The following RAI1 variants were observed in gnomAD, a reference collection of about 807,000 sequenced individuals.
The protein encoded by RAI1 is retinoic acid induced 1, also known as retinoic acid-induced protein 1.
Under a neutral mutation model 123.8 loss-of-function variants are expected in RAI1, and 9 were observed. That is an observed-to-expected ratio of 0.07 (90% CI 0.04 to 0.13). The LOEUF (loss-of-function observed/expected upper bound fraction) is 0.13. Among genes scored for constraint, RAI1 ranks in the 10% least tolerant of loss-of-function variants. The pLI is 1.00. For missense variants in RAI1, 2,256 were observed against 2,545.8 expected, an observed-to-expected ratio of 0.89 and a Z score of 2.45; for synonymous variants, 1,231 against 1,127.3, an observed-to-expected ratio of 1.09 and a Z score of -1.84.
chr17:17,699,629 CG>C (rs372576220), intron 1 of RAI1, among the ~76,000 whole-genome samples: 7,319 of 50,154 alleles, frequency 0.15, 236 homozygotes, highest in African/African-American at 0.25. Flanking sequence ...GTCGGGGGGC[CG>C]GGGGGGGGGG....
At chr17:17,731,217 G>A (rs1344680622) in intron 2 of RAI1, among the ~76,000 whole-genome samples, 2 of 152,228 alleles carry the variant, frequency 1.3e-5, no homozygotes, top group Admixed American at 1.3e-4. Flanking sequence ...GGCCTGTCCT[G>A]CACATCTGAT....
chr17:17,764,632 C>T (rs1379363190), intron 2 of RAI1, among the ~76,000 whole-genome samples: 2 of 152,140 alleles, frequency 1.3e-5, no homozygotes, highest in Non-Finnish European at 2.9e-5. Flanking sequence ...GCCACCACGC[C>T]TAACTAATTT....
intron 2 of RAI1, among the ~76,000 whole-genome samples, chr17:17,727,943 C>T (rs1916146525): frequency 6.6e-6 from 1 of 152,048 alleles, no homozygotes. Flanking sequence ...TGCCCCCTCC[C>T]CTGCAGCACA....
At chr17:17,742,613 C>T (rs141537858) in intron 2 of RAI1, among the ~76,000 whole-genome samples, 8 of 152,300 alleles carry the variant, frequency 5.3e-5, no homozygotes, top group African/African-American at 1.9e-4. Context: ...ATAATATGCA[C>T]TCGTTTTAAA....
At chr17:17,741,289 G>A (rs1214632520) in intron 2 of RAI1, among the ~76,000 whole-genome samples, 1 of 152,136 alleles carries the variant, frequency 6.6e-6, no homozygotes, top group Non-Finnish European at 1.5e-5. Context: ...GAGATTAGTG[G>A]GAAGAAAATC....
intron 2 of RAI1, among the ~76,000 whole-genome samples, chr17:17,766,944 G>C (rs1438303496): frequency 6.6e-6 from 1 of 152,054 alleles, no homozygotes; most frequent in Admixed American, 6.6e-5. Flanking sequence ...GGAGAGGGTG[G>C]GGTGGTGTGA....
At chr17:17,807,855 G>A (rs182224998) in intron 4 of RAI1, among the ~76,000 whole-genome samples, 4 of 152,346 alleles carry the variant, frequency 2.6e-5, no homozygotes, top group East Asian at 3.9e-4. Flanking sequence ...GGGAACAGCC[G>A]TGGCACATCT....
chr17:17,799,180 A>G lies in RAI1; in HGVS notation c.5565+667A>G. On this transcript the variant is annotated intron_variant, in intron 3 of 5. Transcript: ENST00000353383. This position sits in a 1 kb window ranked among gnomAD's most constrained non-coding sequence, Gnocchi z 4.5. ...GAGGGAACTCTGGGGCTGTGCCGCC[A>G]TGCACCTTTGGGGCTGTGACCTGCC... Among the ~76,000 whole-genome samples, 1 of 152,178 alleles carries G rather than the reference A, an allele frequency of 6.6e-6. No individual in the cohort carries two copies. The highest frequency in any genetic ancestry group is 1.9e-4 in the East Asian group (1 of 5,194).
rs771397178 is a variant in RAI1 at position 17,809,162 on chromosome 17, C to T, written c.5660-228C>T. On this transcript the variant is annotated intron_variant, in intron 4 of 5. Coordinates refer to ENST00000353383, the MANE Select transcript of RAI1 (RefSeq NM_030665.4). The surrounding 1 kb of genome is among the most constrained non-coding windows in gnomAD (Gnocchi z 4.9). ...GGAACTCAGGGGGAAAAGCTCTCCG[C>T]GGAGGAGGTGAGGTGAGTCAAGACT... 7 of 623,676 alleles carry T rather than the reference C, an allele frequency of 1.1e-5. No homozygotes were observed. Among genetic ancestry groups the T allele is most frequent in the South Asian group, 5.3e-5 (3 of 56,510 alleles). 38.6% of individuals were successfully genotyped at this position (623,676 alleles called of 1,614,324 possible).
rs772117890 is a variant in RAI1, at chr17:17,797,927, C to T, written c.4979C>T (p.Pro1660Leu). 23 of 1,613,856 alleles carry T rather than the reference C, an allele frequency of 1.4e-5. No individual in the cohort carries two copies. The highest frequency in any genetic ancestry group is 2.2e-5 in the South Asian group (2 of 91,092). The change falls in exon 3 of 6, where the codon CCG becomes CTG. Residue 1660 changes from proline (P) to leucine (L), a missense_variant. Physicochemically the swap from Pro to Leu is moderately conservative, Grantham distance 98. Coordinates refer to ENST00000353383, the MANE Select transcript of RAI1 (RefSeq NM_030665.4). Reference protein sequence around the residue: ...ATLPGGSILQPRPSLPLSSTM... With the variant: ...ATLPGGSILQLRPSLPLSSTM... ...CTCCCTGGAGGCTCCATCCTGCAGC[C>T]GCGGCCCTCCTTGCCCCTCTCCTCC...
rs1454425051 is a variant in RAI1, at chr17:17,755,068, CT to C, written c.-17+30910del. ...CACAACATTCACACCATGCCTCCCCCTGAAGGCTTTGCCTGACGTTTGGACT... is the reference window on the plus strand; with the variant it reads ...CACAACATTCACACCATGCCTCCCCCGAAGGCTTTGCCTGACGTTTGGACT... On this transcript the variant is annotated intron_variant, in intron 2 of 5. Transcript: ENST00000353383. Among the ~76,000 whole-genome samples, 8 of 152,346 alleles carry C rather than the reference CT, an allele frequency of 5.3e-5. No individual in the cohort carries two copies. In the South Asian group the frequency reaches 6.2e-4, roughly 12 times the overall value.
At chr17:17,711,440 C>T (rs531940415) in intron 1 of RAI1, among the ~76,000 whole-genome samples, 68 of 152,282 alleles carry the variant, frequency 4.5e-4, no homozygotes, top group African/African-American at 1.6e-3. Flanking sequence ...AGTTGGGGGG[C>T]GGGTGCTTGC....
chr17:17,704,441 T>A (rs1395777540), intron 1 of RAI1, among the ~76,000 whole-genome samples: 1 of 151,996 alleles, frequency 6.6e-6, no homozygotes. Flanking sequence ...GCCCTCCATG[T>A]GGGGGGCTCT....
chr17:17,800,186 C>CTCTGTCTCTCTG lies in RAI1; in HGVS notation c.5565+1676_5565+1677insGTCTCTCTGTCT, dbSNP rs59561809. ...CTGCTTTCTGTCTCTCTCTGTCTCT[C>CTCTGTCTCTCTG]TCTCTCTCTCTCTCTCTCTCTCTCT... On this transcript the variant is annotated intron_variant, in intron 3 of 5. Coordinates refer to ENST00000353383, the MANE Select transcript of RAI1 (RefSeq NM_030665.4). The surrounding 1 kb of genome is among the most constrained non-coding windows in gnomAD (Gnocchi z 4.7). 4.9e-4 allele frequency among the ~76,000 whole-genome samples: 27 copies of CTCTGTCTCTCTG among 55,576 alleles called. No homozygotes were observed. The highest frequency in any genetic ancestry group is 6.7e-4 in the Non-Finnish European group (20 of 29,644). The allele number at this position is 55,576 out of a possible 152,430, so 36.5% of individuals were successfully genotyped here.
intron 1 of RAI1, 110 bp downstream of exon 1, chr17:17,681,903 A>C (rs1914430978): frequency 9.1e-6 from 2 of 220,000 alleles, no homozygotes; most frequent in African/African-American, 2.4e-5. Context: ...GCGGGTTCGG[A>C]CGCCGAGCGC....
rs528381572 is a variant in RAI1 at position 17,681,923 on chromosome 17, G to A, written c.-149+130G>A. 5.4e-4 allele frequency: 123 copies of A among 227,888 alleles called. 1 individual carries two copies. Among genetic ancestry groups the A allele is most frequent in the African/African-American group, 2.6e-3 (108 of 42,154 alleles). The allele number at this position is 227,888 out of a possible 1,614,324, so 14.1% of individuals were successfully genotyped here. ...TTCGGACGCCGAGCGCGCGCGCTGG[G>A]TGGAGATGTGGGGTCCGCGGGGTCC... On this transcript the variant is annotated intron_variant, in intron 1 of 5. Coordinates refer to ENST00000353383, the MANE Select transcript of RAI1 (RefSeq NM_030665.4).
chr17:17,805,353 C>T (rs370239757), intron 4 of RAI1, among the ~76,000 whole-genome samples: 22 of 152,274 alleles, frequency 1.4e-4, no homozygotes, highest in Middle Eastern at 3.4e-3. Context: ...GACCTCTCCC[C>T]ACACGGTGCT....
chr17:17,778,971 G>T (rs1386531417), intron 2 of RAI1: 2 of 450,350 alleles, frequency 4.4e-6, no homozygotes, highest in Non-Finnish European at 9.0e-6. Context: ...CTGAACCGCA[G>T]AAAGTATTCT....
rs541335959 is a variant in RAI1 at position 17,797,293 on chromosome 17, C to T, written c.4345C>T (p.Arg1449Trp). 40 of 1,612,778 alleles carry T rather than the reference C, an allele frequency of 2.5e-5. No individual in the cohort carries two copies. In the Admixed American group the frequency reaches 3.3e-4, roughly 13 times the overall value. Residue 1449 changes from arginine to tryptophan, a missense_variant, in exon 3 of 6, where the codon CGG becomes TGG. Arg to Trp is a moderately radical substitution (Grantham distance 101). Around this residue, in one of 7 missense-constraint regions of RAI1, gnomAD observed 410 missense variants for 374.6 expected, o/e 1.09. Coordinates refer to ENST00000353383, the MANE Select transcript of RAI1 (RefSeq NM_030665.4). ...GTALAPKKRSRKGRAGAHGLS... is the reference protein window; with the variant it reads ...GTALAPKKRSWKGRAGAHGLS... ...TGCCCTGGCGCCTAAGAAGAGGAGC[C>T]GGAAAGGCCGGGCAGGGGCCCATGG...
Sources: gnomAD v4.1 joint callset for allele counts (sites outside exome capture counted in the v4.1 genomes callset) on GRCh38, gnomAD v4.1.1 for gene constraint, gnomAD v4.1.1 regional missense constraint, Gnocchi (gnomAD v3.1) non-coding constraint, MANE v1.5 for transcripts, NCBI Gene and HGNC (gene_info 2026-07-23, HGNC 2026-07-21) for gene names.